HCN1: variants seen among roughly 807,000 people sequenced by gnomAD.
HCN1 encodes hyperpolarization activated cyclic nucleotide gated potassium channel 1.
Under a neutral mutation model 78.9 loss-of-function variants are expected in HCN1, and 13 were observed. The observed-to-expected ratio is 0.16, with a 90% CI of 0.11 to 0.26. The LOEUF is 0.26. HCN1 is among the 10% of genes least tolerant of loss of function. HCN1 has a pLI of 1.00. For synonymous variants in HCN1, 552 were observed against 455.5 expected, an observed-to-expected ratio of 1.21 and a Z score of -2.70; for missense variants, 810 against 1,154.3, an observed-to-expected ratio of 0.70 and a Z score of 4.32.
At chr5:45,548,825 A>T (rs1743290086) in intron 2 of HCN1, among the ~76,000 whole-genome samples, 2 of 152,150 alleles carry the variant, frequency 1.3e-5, no homozygotes, top group South Asian at 2.1e-4. Context: ...AATGTACAAA[A>T]ATCACAAGCA....
At chr5:45,341,094 T>C (rs917082221) in intron 5 of HCN1, among the ~76,000 whole-genome samples, 5 of 152,232 alleles carry the variant, frequency 3.3e-5, no homozygotes, top group African/African-American at 2.4e-5. Context: ...TTATTCCTGA[T>C]ACTGTTTTGT....
chr5:45,668,611 C>A (rs1337263506), intron 1 of HCN1, among the ~76,000 whole-genome samples: 1 of 151,890 alleles, frequency 6.6e-6, no homozygotes, highest in Non-Finnish European at 1.5e-5. Flanking sequence ...AGCTCCACTA[C>A]AGATACATAT....
At chr5:45,564,083 C>T (rs1465230432) in intron 2 of HCN1, among the ~76,000 whole-genome samples, 1 of 152,122 alleles carries the variant, frequency 6.6e-6, no homozygotes, top group Non-Finnish European at 1.5e-5. Flanking sequence ...TAAAATTCTT[C>T]TTGACAAAAT....
At chr5:45,632,058 A>AT (rs1247808169) in intron 2 of HCN1, among the ~76,000 whole-genome samples, 1 of 152,074 alleles carries the variant, frequency 6.6e-6, no homozygotes, top group African/African-American at 2.4e-5. Flanking sequence ...AATTGCTTTT[A>AT]TTTTTTATAC....
At chr5:45,492,392 AATATATATATAT>A (rs35781186) in intron 2 of HCN1, among the ~76,000 whole-genome samples, 3 of 121,374 alleles carry the variant, frequency 2.5e-5, no homozygotes, top group East Asian at 2.4e-4. Flanking sequence ...TCTTTAAATG[AATATATATATAT>A]ATATATATAT....
chr5:45,684,614 A>G (rs1739768275), intron 1 of HCN1, among the ~76,000 whole-genome samples: 1 of 152,214 alleles, frequency 6.6e-6, no homozygotes, highest in South Asian at 2.1e-4. Flanking sequence ...TAAACCCAGC[A>G]CTTTGGTAGG....
At chr5:45,517,520 T>TAAAAAAAAAAA (rs773490588) in intron 2 of HCN1, among the ~76,000 whole-genome samples, 1 of 94,368 alleles carries the variant, frequency 1.1e-5, no homozygotes, top group Admixed American at 1.3e-4. Context: ...AATTTCCCCT[T>TAAAAAAAAAAA]AAAAAAAAAA....
intron 3 of HCN1, among the ~76,000 whole-genome samples, chr5:45,436,165 G>T (rs1740557699): frequency 6.6e-6 from 1 of 152,152 alleles, no homozygotes; most frequent in Non-Finnish European, 1.5e-5. Flanking sequence ...TGTCACTGGA[G>T]AAGACTCCTT....
In HCN1 at chr5:45,626,315, G is replaced by A. The variant is rs1447359955; in HGVS notation, c.849+18870C>T. Among the ~76,000 whole-genome samples the A allele has an allele frequency of 2.0e-5, 3 of 152,172 alleles. No homozygotes were observed. In the East Asian group the frequency reaches 5.8e-4, roughly 29 times the overall value. ...ACCACCTCTTCTGAATATTGACGTG[G>A]AAATCACTGAAATACTACGCTCAGC... On this transcript the variant is annotated intron_variant, in intron 2 of 7. Coordinates refer to ENST00000303230, the MANE Select transcript of HCN1 (RefSeq NM_021072.4).
At chr5:45,375,923 TATATG>T (rs1295812927) in intron 4 of HCN1, among the ~76,000 whole-genome samples, 6 of 122,600 alleles carry the variant, frequency 4.9e-5, no homozygotes, top group Admixed American at 1.9e-4. Flanking sequence ...TTATATATTA[TATATG>T]ATATAATATT....
intron 2 of HCN1, among the ~76,000 whole-genome samples, chr5:45,507,705 A>C (rs1444062982): frequency 6.6e-6 from 1 of 152,156 alleles, no homozygotes; most frequent in Non-Finnish European, 1.5e-5. Flanking sequence ...TTATGAAAAT[A>C]ATAAAGGATA....
At chr5:45,406,313 A>G (rs1228256265) in intron 3 of HCN1, among the ~76,000 whole-genome samples, 1 of 152,168 alleles carries the variant, frequency 6.6e-6, no homozygotes, top group Non-Finnish European at 1.5e-5. Context: ...ATTAGTGAAT[A>G]TATTTTATGT....
At chr5:45,446,982 A>G (rs1740813155) in intron 3 of HCN1, among the ~76,000 whole-genome samples, 1 of 152,152 alleles carries the variant, frequency 6.6e-6, no homozygotes, top group Non-Finnish European at 1.5e-5. Context: ...GCATCAACTA[A>G]CGAGCAAAAT....
At chr5:45,570,159 T>C (rs1445074316) in intron 2 of HCN1, among the ~76,000 whole-genome samples, 1 of 152,124 alleles carries the variant, frequency 6.6e-6, no homozygotes, top group Non-Finnish European at 1.5e-5. Context: ...TTTATCGATA[T>C]TTAATTTAAT....
chr5:45,338,563 G>A (rs554472423), intron 5 of HCN1, among the ~76,000 whole-genome samples: 1 of 152,126 alleles, frequency 6.6e-6, no homozygotes, highest in South Asian at 2.1e-4. Context: ...CACTCATTTA[G>A]CATTTATTTG....
intron 2 of HCN1, among the ~76,000 whole-genome samples, chr5:45,503,850 A>C (rs1207078505): frequency 6.8e-6 from 1 of 146,724 alleles, no homozygotes; most frequent in Non-Finnish European, 1.5e-5. Context: ...CTATGGTGCC[A>C]TCTCGGCTCA....
intron 2 of HCN1, among the ~76,000 whole-genome samples, chr5:45,524,882 T>C (rs1462663943): frequency 2.0e-5 from 3 of 152,180 alleles, no homozygotes; most frequent in African/African-American, 7.2e-5. Context: ...TGGCCAGAAC[T>C]TCCAACACTA....
At chr5:45,319,271 A>C (rs1579807895) in intron 5 of HCN1, among the ~76,000 whole-genome samples, 1 of 151,916 alleles carries the variant, frequency 6.6e-6, no homozygotes, top group East Asian at 1.9e-4. Flanking sequence ...TTGCTGCCAA[A>C]AGTTTTCCTG....
intron 5 of HCN1, among the ~76,000 whole-genome samples, chr5:45,319,961 A>G (rs1385147598): frequency 6.6e-6 from 1 of 151,844 alleles, no homozygotes; most frequent in Non-Finnish European, 1.5e-5. Context: ...ATTCAGCTCC[A>G]TTTTACATTA....
Sources: allele counts gnomAD v4.1 joint callset (sites outside exome capture counted in the v4.1 genomes callset), GRCh38; gene constraint gnomAD v4.1.1; transcripts MANE v1.5; gene names NCBI Gene and HGNC (gene_info 2026-07-23, HGNC 2026-07-21).